Variants in SUCO observed in about 807,000 individuals in gnomAD.
SUCO encodes SUN domain-containing ossification factor.
A neutral mutation model predicts 148.1 loss-of-function variants in SUCO; 57 were observed. The ratio of observed to expected loss-of-function variants is 0.38; its 90% CI spans 0.31 to 0.48. The LOEUF is 0.48. Among genes scored for constraint, SUCO ranks in the 20% least tolerant of loss-of-function variants. The probability of loss-of-function intolerance (pLI) is 0.96; values close to 1 mark genes in which losing one functional copy is unlikely to be tolerated. For synonymous variants in SUCO, 470 were observed against 502.7 expected, an observed-to-expected ratio of 0.93 and a Z score of 0.87; for missense variants, 1,331 against 1,468.2, an observed-to-expected ratio of 0.91 and a Z score of 1.53.
intron 17 of SUCO, among the ~76,000 whole-genome samples, chr1:172,586,221 T>G (rs1656230361): frequency 6.6e-6 from 1 of 152,176 alleles, no homozygotes; most frequent in Admixed American, 6.5e-5. Flanking sequence ...TTTTCCATAC[T>G]GGAAATAATT....
At chr1:172,542,054 A>C (rs527511902) in intron 1 of SUCO, 3 of 159,788 alleles carry the variant, frequency 1.9e-5, no homozygotes, top group Admixed American at 1.3e-4. Flanking sequence ...TTTTATGGGC[A>C]CTTAAAAATG....
intron 1 of SUCO, among the ~76,000 whole-genome samples, chr1:172,541,281 G>A (rs185278711): frequency 6.6e-6 from 1 of 152,162 alleles, no homozygotes; most frequent in East Asian, 1.9e-4. Flanking sequence ...ATACTTATAT[G>A]GAAGGATATG....
chr1:172,560,104 C>G (rs552738404), intron 6 of SUCO, among the ~76,000 whole-genome samples: 78 of 152,294 alleles, frequency 5.1e-4, no homozygotes, highest in South Asian at 1.0e-3. Context: ...GGCCCAGAGA[C>G]AGGATGAGTT....
At chr1:172,587,030 A>G (rs1656292325) in intron 17 of SUCO, among the ~76,000 whole-genome samples, 1 of 152,100 alleles carries the variant, frequency 6.6e-6, no homozygotes, top group Non-Finnish European at 1.5e-5. Context: ...ACAACACGCT[A>G]TGTCGTATTT....
chr1:172,594,734 C>T (rs537849415), intron 19 of SUCO, among the ~76,000 whole-genome samples: 27 of 151,828 alleles, frequency 1.8e-4, no homozygotes, highest in Non-Finnish European at 3.2e-4. Context: ...TTTGTGGTGC[C>T]GAAAAGAATG....
intron 9 of SUCO, among the ~76,000 whole-genome samples, chr1:172,571,491 A>C (rs1654980867): frequency 6.6e-6 from 1 of 151,334 alleles, no homozygotes; most frequent in Non-Finnish European, 1.5e-5. Flanking sequence ...CCCGTCTGGG[A>C]AGTGAGGAGA....
At chr1:172,549,129 T>C (rs181826946) in intron 1 of SUCO, among the ~76,000 whole-genome samples, 5 of 152,052 alleles carry the variant, frequency 3.3e-5, no homozygotes, top group Non-Finnish European at 7.4e-5. Flanking sequence ...TTTGTTGTTT[T>C]CATATTTTCT....
At chr1:172,577,490 T>A (rs1655533025) in intron 11 of SUCO, 49 bp from the exon 12 acceptor site, 4 of 1,575,190 alleles carry the variant, frequency 2.5e-6, no homozygotes, top group Non-Finnish European at 3.5e-6. Flanking sequence ...TTGCATGATG[T>A]CTAGACTTTG....
intron 9 of SUCO, among the ~76,000 whole-genome samples, chr1:172,572,077 T>TG (rs528702208): frequency 0.42 from 20,669 of 49,794 alleles, 6,859 homozygotes; most frequent in African/African-American, 0.63. Context: ...GGGAGGGAGG[T>TG]GGGGGGTCAG....
Position 172,574,551 on chromosome 1 carries a change from T to G in SUCO, c.1157+553T>G, listed in dbSNP as rs1296426428. Among the ~76,000 whole-genome samples, 4 of 152,100 alleles carry G rather than the reference T, an allele frequency of 2.6e-5. No individual in the cohort carries two copies. The East Asian group carries it at 7.7e-4, about 29-fold the overall frequency. On this transcript the variant is annotated intron_variant, in intron 10 of 23. Transcript: ENST00000263688. Reference sequence around the variant, plus strand: ...GAGATAGCCCTTATTAGCATTTTAATATATTTCTTCCAGTCTTTACTATGC... The same window carrying G: ...GAGATAGCCCTTATTAGCATTTTAAGATATTTCTTCCAGTCTTTACTATGC...
chr1:172,551,475 CT>C, intron 1 of SUCO, 36 bp from the exon 2 acceptor site: 1 of 1,332,954 alleles, frequency 7.5e-7, no homozygotes, highest in South Asian at 1.3e-5. Context: ...TTCTCTTTCT[CT>C]TTTTCTGTTT....
chr1:172,600,237 A>T, intron 20 of SUCO, 69 bp downstream of exon 20: 1 of 1,093,244 alleles, frequency 9.1e-7, no homozygotes, highest in East Asian at 2.8e-5. Context: ...CAGGCTTGTT[A>T]ACATGAACAT....
At chr1:172,551,436 A>T in intron 1 of SUCO, 76 bp from the exon 2 acceptor site, 1 of 850,222 alleles carries the variant, frequency 1.2e-6, no homozygotes. Flanking sequence ...ATATAGAAAT[A>T]TGTTGACTTA....
At chr1:172,558,217 C>T (rs1558181710) in intron 6 of SUCO, among the ~76,000 whole-genome samples, 1 of 151,994 alleles carries the variant, frequency 6.6e-6, no homozygotes, top group Non-Finnish European at 1.5e-5. Context: ...AACATTTTAC[C>T]TTTCATTATT....
upstream of SUCO, chr1:172,532,791 G>C: frequency 6.2e-7 from 1 of 1,609,212 alleles, no homozygotes; most frequent in Non-Finnish European, 8.5e-7. Flanking sequence ...GCGCGCGAGG[G>C]ACGAAGGGCG....
chr1:172,594,819 T>C (rs1386979192), intron 19 of SUCO, among the ~76,000 whole-genome samples: 6 of 152,204 alleles, frequency 3.9e-5, no homozygotes, highest in African/African-American at 1.4e-4. Context: ...TGAGTTCAAG[T>C]CCTGGATATC....
chr1:172,567,055 C>G (rs1654603368), intron 6 of SUCO, among the ~76,000 whole-genome samples: 1 of 152,176 alleles, frequency 6.6e-6, no homozygotes, highest in African/African-American at 2.4e-5. Flanking sequence ...GTAAAGCACT[C>G]TAAGGTGGAA....
intron 7 of SUCO, chr1:172,569,416 T>A (rs962515834): frequency 1.0e-6 from 1 of 979,794 alleles, no homozygotes. Flanking sequence ...ACGAGGAAAA[T>A]TGAGGCATGG....
intron 9 of SUCO, 53 bp downstream of exon 9, chr1:172,570,783 G>A (rs1654903153): frequency 1.8e-6 from 2 of 1,098,898 alleles, no homozygotes; most frequent in East Asian, 4.7e-5. Context: ...TGCATATTAT[G>A]TTAAGCTTTT....
Sources: gnomAD v4.1 joint callset for allele counts (sites outside exome capture counted in the v4.1 genomes callset) on GRCh38, gnomAD v4.1.1 for gene constraint, MANE v1.5 for transcripts, NCBI Gene and HGNC (gene_info 2026-07-23, HGNC 2026-07-21) for gene names.